The following CDH13 variants were observed in gnomAD, a reference collection of about 807,000 sequenced individuals.
CDH13 encodes the protein cadherin 13, also known as cadherin-13.
A neutral mutation model predicts 63.8 loss-of-function variants in CDH13; 24 were observed. The observed-to-expected ratio is 0.38, with a 90% CI of 0.27 to 0.53. CDH13 has a LOEUF of 0.53. Ranked by LOEUF, CDH13 falls within the 20% of genes least tolerant of loss-of-function variation. The pLI is 0.85. For missense variants in CDH13, 1,049 were observed against 903.1 expected (o/e 1.16, Z -2.07); for synonymous variants, 503 against 355.3 (o/e 1.42, Z -4.67).
intron 7 of CDH13, among the ~76,000 whole-genome samples, chr16:83,577,747 A>G (rs2063209384): frequency 6.6e-6 from 1 of 152,216 alleles, no homozygotes; most frequent in African/African-American, 2.4e-5. Context: ...GATGCATCCA[A>G]AAGCCCTTAA....
At chr16:82,909,096 A>G (rs1189293812) in intron 2 of CDH13, among the ~76,000 whole-genome samples, 1 of 152,220 alleles carries the variant, frequency 6.6e-6, no homozygotes, top group African/African-American at 2.4e-5. Context: ...TATGTAATAC[A>G]ATGTAAATAC....
chr16:83,716,062 T>A (rs1191618384), intron 10 of CDH13, among the ~76,000 whole-genome samples: 1 of 152,208 alleles, frequency 6.6e-6, no homozygotes, highest in African/African-American at 2.4e-5. Context: ...TTGTTTTCCA[T>A]AAAGCTAGGA....
intron 5 of CDH13, among the ~76,000 whole-genome samples, chr16:83,230,879 C>G (rs1429182266): frequency 2.0e-5 from 3 of 152,202 alleles, no homozygotes; most frequent in Non-Finnish European, 1.5e-5. Flanking sequence ...CCCAGGAAAT[C>G]TGGGCCCTAA....
intron 1 of CDH13, among the ~76,000 whole-genome samples, chr16:82,656,893 C>G (rs996241163): frequency 1.3e-5 from 2 of 149,844 alleles, no homozygotes; most frequent in Non-Finnish European, 3.0e-5. Flanking sequence ...AAGTTTCCTC[C>G]ATGTTTTCTT....
In CDH13 at chr16:83,503,996, C is replaced by G. The variant is rs555913179; in HGVS notation, c.960+17341C>G. Among the ~76,000 whole-genome samples, 254 of 151,988 alleles carry G rather than the reference C, an allele frequency of 1.7e-3. 1 individual carries two copies. The highest frequency in any genetic ancestry group is 5.9e-3 in the African/African-American group (245 of 41,428). On this transcript the variant is annotated intron_variant, in intron 7 of 13. Coordinates refer to ENST00000567109, the MANE Select transcript of CDH13 (RefSeq NM_001257.5). The stretch of plus-strand genomic sequence containing the variant: ...GAAGGGACAGCATTAGGACAGATGC[C>G]CAATGCATGTGGGGCTTAAAACCTA...
At chr16:83,331,624 A>G (rs182024076) in intron 5 of CDH13, among the ~76,000 whole-genome samples, 7 of 152,360 alleles carry the variant, frequency 4.6e-5, no homozygotes, top group African/African-American at 1.7e-4. Flanking sequence ...AAAGTATAGC[A>G]AAGCAAAGAA....
At position 83,798,281 on chromosome 16, in the gene CDH13, C is replaced by G. The variant is rs1012363713; in HGVS notation, c.*3251C>G. ...ATTTTTAACAAGTCTGTGTTTGATC[C>G]TGGATTTAGTGCAGTTGCACCCAGG... On this transcript the variant is annotated 3_prime_UTR_variant, in exon 14 of 14. Transcript: ENST00000567109. 1 of 152,168 alleles carries G rather than the reference C, an allele frequency of 6.6e-6. No homozygotes were observed. Among genetic ancestry groups the G allele is most frequent in the Non-Finnish European group, 1.5e-5 (1 of 68,028 alleles). The allele number at this position is 152,168 out of a possible 1,614,324, so 9.4% of individuals were successfully genotyped here.
chr16:83,041,670 C>T (rs1260999134), intron 3 of CDH13, among the ~76,000 whole-genome samples: 3 of 152,002 alleles, frequency 2.0e-5, no homozygotes, highest in East Asian at 1.9e-4. Context: ...GGATATTTAG[C>T]GAAAATTTTT....
At chr16:83,069,329 T>C (rs1039215733) in intron 3 of CDH13, among the ~76,000 whole-genome samples, 7 of 152,292 alleles carry the variant, frequency 4.6e-5, no homozygotes, top group African/African-American at 1.7e-4. Context: ...GAGTTTCAGA[T>C]TTCTGATTAA....
intron 4 of CDH13, among the ~76,000 whole-genome samples, chr16:83,178,425 T>C (rs1047556885): frequency 1.1e-4 from 17 of 152,204 alleles, no homozygotes; most frequent in African/African-American, 4.1e-4. Flanking sequence ...CTAAGATTCT[T>C]CTTGGGACCA....
At chr16:83,468,445 C>G (rs529179083) in intron 6 of CDH13, among the ~76,000 whole-genome samples, 3 of 152,326 alleles carry the variant, frequency 2.0e-5, no homozygotes, top group East Asian at 1.9e-4. Context: ...TGACCTGAAG[C>G]CTTCAGAACT....
chr16:83,280,876 C>T (rs1010623019), intron 5 of CDH13, among the ~76,000 whole-genome samples: 2 of 152,190 alleles, frequency 1.3e-5, no homozygotes, highest in Non-Finnish European at 2.9e-5. Context: ...TTGAAATGAA[C>T]CTTTTTTTCC....
At position 83,230,684 on chromosome 16, in the gene CDH13, G is replaced by T. The variant is rs564621528; in HGVS notation, c.636+13187G>T. 2.6e-5 allele frequency among the ~76,000 whole-genome samples: 4 copies of T among 152,314 alleles called. No homozygotes were observed. In the South Asian group the frequency reaches 8.3e-4, roughly 32 times the overall value. On this transcript the variant is annotated intron_variant, in intron 5 of 13. Coordinates refer to ENST00000567109, the MANE Select transcript of CDH13 (RefSeq NM_001257.5). ...CGCCTGTAGTCCCAGCTACTTGGGA[G>T]GCTGAGGCAGGAGAATCGTTTGAAC...
At chr16:83,013,229 G>A (rs1314724356) in intron 2 of CDH13, among the ~76,000 whole-genome samples, 2 of 152,228 alleles carry the variant, frequency 1.3e-5, no homozygotes, top group African/African-American at 4.8e-5. Context: ...ACATGTAGGT[G>A]AATAGTGTGG....
chr16:83,324,381 A>G (rs549120239), intron 5 of CDH13, among the ~76,000 whole-genome samples: 2 of 152,202 alleles, frequency 1.3e-5, no homozygotes, highest in South Asian at 2.1e-4. Flanking sequence ...AAGAAACCCC[A>G]TCACTCTTGG....
intron 7 of CDH13, among the ~76,000 whole-genome samples, chr16:83,590,240 G>A (rs1050739601): frequency 2.0e-5 from 3 of 152,156 alleles, no homozygotes; most frequent in African/African-American, 7.2e-5. Context: ...GAAGAAGGCA[G>A]GGGGACCAAC....
intron 2 of CDH13, among the ~76,000 whole-genome samples, chr16:82,970,432 G>A (rs1441050266): frequency 1.0e-4 from 9 of 88,320 alleles, no homozygotes; most frequent in Admixed American, 6.7e-4. Context: ...TCGCTCTGTC[G>A]CCCAGGCCGG....
rs563070675 is a variant in CDH13, at chr16:83,472,399, T to TC, written c.782-14074dup. ...AAAGGGGAATTGATGAATAGATCTC[T>TC]CCCCTAACAAGAGGCTGGAGATATG... On this transcript the variant is annotated intron_variant, in intron 6 of 13. Coordinates refer to ENST00000567109, the MANE Select transcript of CDH13 (RefSeq NM_001257.5). Among the ~76,000 whole-genome samples the TC allele has an allele frequency of 2.4e-4, 37 of 152,264 alleles. No individual in the cohort carries two copies. In the East Asian group the frequency reaches 7.0e-3, roughly 29 times the overall value.
chr16:83,574,231 T>C (rs373071656), intron 7 of CDH13, among the ~76,000 whole-genome samples: 1 of 152,212 alleles, frequency 6.6e-6, no homozygotes, highest in African/African-American at 2.4e-5. Flanking sequence ...TTATTTTTTG[T>C]CTCAGTGTAC....
Sources: gnomAD v4.1 joint callset for allele counts (sites outside exome capture counted in the v4.1 genomes callset) on GRCh38, gnomAD v4.1.1 for gene constraint, MANE v1.5 for transcripts, NCBI Gene and HGNC (gene_info 2026-07-23, HGNC 2026-07-21) for gene names.